GPHN: variants seen among roughly 807,000 people sequenced by gnomAD.
GPHN encodes gephyrin.
Under a neutral mutation model 95.5 loss-of-function variants are expected in GPHN, and 17 were observed. The observed-to-expected ratio is 0.18, with a 90% CI of 0.12 to 0.27. The LOEUF (loss-of-function observed/expected upper bound fraction) is 0.27. Ranked by LOEUF, GPHN falls within the 10% of genes least tolerant of loss-of-function variation. The probability of loss-of-function intolerance (pLI) is 1.00; values close to 1 mark genes in which losing one functional copy is unlikely to be tolerated. For missense variants in GPHN, 660 were observed against 978.1 expected (o/e 0.67, Z 4.34); for synonymous variants, 320 against 322.5 (o/e 0.99, Z 0.08).
At chr14:66,585,560 A>T (rs1002544061) in intron 1 of GPHN, among the ~76,000 whole-genome samples, 37 of 152,100 alleles carry the variant, frequency 2.4e-4, no homozygotes, top group African/African-American at 8.4e-4. Flanking sequence ...ACTGCTTTAA[A>T]TGTGTCCCAG....
At chr14:67,501,618 G>A in the GPHN span, among the ~76,000 whole-genome samples, 3 of 152,180 alleles carry the variant, frequency 2.0e-5, no homozygotes, top group Non-Finnish European at 4.4e-5. Context: ...TTAGGGACAG[G>A]CCAATGAGGC....
intron 9 of GPHN, among the ~76,000 whole-genome samples, chr14:67,007,082 G>A (rs576775116): frequency 2.6e-5 from 4 of 152,044 alleles, no homozygotes; most frequent in Non-Finnish European, 5.9e-5. Context: ...TAAACAATCA[G>A]CATCCTTTAT....
the GPHN span, among the ~76,000 whole-genome samples, chr14:67,401,532 T>G: frequency 7.3e-5 from 11 of 151,638 alleles, no homozygotes; most frequent in Non-Finnish European, 1.3e-4. Context: ...ATAATAATAA[T>G]TTTAAAAAGA....
chr14:66,632,017 A>C (rs1047298039), intron 1 of GPHN, among the ~76,000 whole-genome samples: 4 of 152,046 alleles, frequency 2.6e-5, no homozygotes, highest in Admixed American at 2.6e-4. Flanking sequence ...TATTCGTATC[A>C]TTGGTATTAT....
intron 1 of GPHN, among the ~76,000 whole-genome samples, chr14:66,525,718 C>G (rs548811403): frequency 1.3e-5 from 2 of 152,196 alleles, no homozygotes; most frequent in East Asian, 1.9e-4. Context: ...TATGGGTAGC[C>G]AGTTTTACGA....
chr14:67,023,898 TCCTAG>T (rs2073793763), intron 10 of GPHN, among the ~76,000 whole-genome samples: 4 of 152,110 alleles, frequency 2.6e-5, no homozygotes, highest in African/African-American at 9.7e-5. Flanking sequence ...TTTGATGCAC[TCCTAG>T]GAGGGTAGGA....
intron 17 of GPHN, among the ~76,000 whole-genome samples, chr14:67,123,969 AT>A (rs1440829872): frequency 6.6e-6 from 1 of 152,204 alleles, no homozygotes; most frequent in Non-Finnish European, 1.5e-5. Flanking sequence ...AGTAGCTTTT[AT>A]GTCATCTAAC....
intron 4 of GPHN, among the ~76,000 whole-genome samples, chr14:66,877,550 A>G (rs533721600): frequency 6.6e-6 from 1 of 152,330 alleles, no homozygotes; most frequent in East Asian, 1.9e-4. Context: ...CAGGATACAA[A>G]ATCAATGCAC....
At chr14:66,949,022 T>A (rs1186777244) in intron 8 of GPHN, among the ~76,000 whole-genome samples, 1 of 152,174 alleles carries the variant, frequency 6.6e-6, no homozygotes, top group Non-Finnish European at 1.5e-5. Context: ...TGAGAAGACA[T>A]GTGATATATA....
chr14:66,861,920 A>G (rs2063038975), intron 4 of GPHN, among the ~76,000 whole-genome samples: 1 of 152,070 alleles, frequency 6.6e-6, no homozygotes, highest in South Asian at 2.1e-4. Flanking sequence ...CTAATGATGC[A>G]TCTCAGAGAA....
At chr14:66,922,274 T>TG (rs2066263145) in intron 6 of GPHN, among the ~76,000 whole-genome samples, 1 of 137,694 alleles carries the variant, frequency 7.3e-6, no homozygotes, top group South Asian at 2.1e-4. Flanking sequence ...AGTGTATGTT[T>TG]TTTTTTTTTT....
At chr14:67,501,087 A>AAG in the GPHN span, among the ~76,000 whole-genome samples, 1 of 122,998 alleles carries the variant, frequency 8.1e-6, no homozygotes, top group Non-Finnish European at 1.7e-5. Context: ...ATAATAATAA[A>AAG]GAAAATGCCT....
chr14:67,525,122 A>G, the GPHN span, among the ~76,000 whole-genome samples: 1 of 152,224 alleles, frequency 6.6e-6, no homozygotes, highest in Admixed American at 6.5e-5. Flanking sequence ...CTTACATAAT[A>G]TAGAAAAGAA....
At chr14:67,690,724 C>T in the GPHN span, 6 of 404,616 alleles carry the variant, frequency 1.5e-5, no homozygotes, top group Non-Finnish European at 2.7e-5. Flanking sequence ...TGGCTCACGC[C>T]GGTAATCTCA....
chr14:67,525,904 T>A, the GPHN span, among the ~76,000 whole-genome samples: 1 of 152,154 alleles, frequency 6.6e-6, no homozygotes, highest in East Asian at 1.9e-4. Context: ...CCAGAAGCCA[T>A]CTGAGAGTTT....
At chr14:66,898,466 TAAAAA>T (rs59434196) in intron 5 of GPHN, among the ~76,000 whole-genome samples, 1,587 of 91,752 alleles carry the variant, frequency 0.017, 21 homozygotes, top group Non-Finnish European at 0.021. Context: ...GCTACTTGTT[TAAAAA>T]AAAAAAAAAA....
the GPHN span, among the ~76,000 whole-genome samples, chr14:67,530,165 A>C: frequency 2.0e-5 from 3 of 152,208 alleles, no homozygotes; most frequent in Non-Finnish European, 2.9e-5. Flanking sequence ...CGTAAACTCC[A>C]GCCAATATTT....
the GPHN span, chr14:67,647,210 G>T: frequency 2.0e-6 from 1 of 502,524 alleles, no homozygotes; most frequent in Non-Finnish European, 3.5e-6. Context: ...TTGGGAGGAG[G>T]TTTCCTCTAA....
At chr14:67,598,713 C>T in the GPHN span, among the ~76,000 whole-genome samples, 1 of 144,390 alleles carries the variant, frequency 6.9e-6, no homozygotes, top group Admixed American at 7.0e-5. Flanking sequence ...TATGAACAAA[C>T]TTTTTTTTTT....
Sources: allele counts gnomAD v4.1 joint callset (sites outside exome capture counted in the v4.1 genomes callset), GRCh38; gene constraint gnomAD v4.1.1; transcripts MANE v1.5; gene names NCBI Gene and HGNC (gene_info 2026-07-23, HGNC 2026-07-21).